C8orf34: variants seen among roughly 807,000 people sequenced by gnomAD.
The protein encoded by C8orf34 is chromosome 8 open reading frame 34, also known as uncharacterized protein C8orf34.
In C8orf34, 65 loss-of-function variants were observed where a neutral mutation model predicts 68.3. The ratio of observed to expected loss-of-function variants is 0.95; its 90% CI spans 0.78 to 1.17. The LOEUF (loss-of-function observed/expected upper bound fraction) is 1.17, where lower values mean the gene tolerates loss of function less well. Ranked by LOEUF, C8orf34 falls within the 50% of genes most tolerant of loss-of-function variation. The pLI is 0.00. For synonymous variants in C8orf34, 244 were observed against 241.2 expected (o/e 1.01, Z -0.11); for missense variants, 664 against 655.4 (o/e 1.01, Z -0.14).
chr8:68,595,451 G>C (rs1454964415), intron 7 of C8orf34, among the ~76,000 whole-genome samples: 1 of 151,890 alleles, frequency 6.6e-6, no homozygotes, highest in Non-Finnish European at 1.5e-5. Context: ...ATGTTGTTTT[G>C]GTTGGTTTTT....
rs534388536 is a variant in C8orf34 at position 68,769,404 on chromosome 8, AT to A, written c.1405-6987del. Among the ~76,000 whole-genome samples, 925 of 150,590 alleles carry A rather than the reference AT, an allele frequency of 6.1e-3. 11 individuals are homozygous for A. Among genetic ancestry groups the A allele is most frequent in the African/African-American group, 0.021 (852 of 41,066 alleles). The stretch of plus-strand genomic sequence containing the variant: ...TTTTGCTTTTAGTCTATATTTTATT[AT>A]TTTTTTTAAAAGGCCATTTTGAATC... On this transcript the variant is annotated intron_variant, in intron 10 of 13. Transcript: ENST00000518698.
At chr8:68,481,744 T>A (rs1488124710) in intron 4 of C8orf34, among the ~76,000 whole-genome samples, 1 of 152,206 alleles carries the variant, frequency 6.6e-6, no homozygotes, top group Admixed American at 6.5e-5. Flanking sequence ...ATTTCTCCCT[T>A]TTGGAATGGC....
At chr8:68,368,036 T>C (rs1024991730) in intron 1 of C8orf34, among the ~76,000 whole-genome samples, 2 of 151,752 alleles carry the variant, frequency 1.3e-5, no homozygotes, top group African/African-American at 4.8e-5. Context: ...CTATGTCTAT[T>C]AGTTTACTTT....
chr8:68,440,895 C>T (rs1452575196), intron 2 of C8orf34, among the ~76,000 whole-genome samples: 1 of 151,216 alleles, frequency 6.6e-6, no homozygotes, highest in Non-Finnish European at 1.5e-5. Flanking sequence ...AGCTCCGCTT[C>T]CTGGGTTCAC....
At chr8:68,418,203 A>T (rs940504364) in intron 1 of C8orf34, among the ~76,000 whole-genome samples, 1 of 141,596 alleles carries the variant, frequency 7.1e-6, no homozygotes, top group African/African-American at 2.7e-5. Context: ...GGCTGAGACA[A>T]TGGGGTTTTC....
intron 4 of C8orf34, among the ~76,000 whole-genome samples, 192 bp downstream of exon 4, chr8:68,469,012 C>A (rs1262310847): frequency 2.6e-5 from 4 of 152,074 alleles, no homozygotes; most frequent in African/African-American, 9.7e-5. Flanking sequence ...AGACTGATCA[C>A]ATGGAGTAGA....
rs142013517 is a variant in C8orf34 at position 68,450,089 on chromosome 8, A to G, written c.607+3629A>G. Reference sequence around the variant, plus strand: ...ACTAAGCTGATGTAACATTTTAACAATATTCACAACATCTTCACCTAGAGT... The same window carrying G: ...ACTAAGCTGATGTAACATTTTAACAGTATTCACAACATCTTCACCTAGAGT... On this transcript the variant is annotated intron_variant, in intron 3 of 13. Transcript: ENST00000518698. 2.2e-3 allele frequency among the ~76,000 whole-genome samples: 328 copies of G among 152,246 alleles called. 1 individual carries two copies. Among genetic ancestry groups the G allele is most frequent in the African/African-American group, 7.1e-3 (295 of 41,578 alleles).
intron 7 of C8orf34, among the ~76,000 whole-genome samples, chr8:68,599,542 C>G (rs558350889): frequency 6.6e-5 from 10 of 151,776 alleles, no homozygotes; most frequent in Non-Finnish European, 1.3e-4. Flanking sequence ...AGAAGTGGAC[C>G]TTTACATACA....
intron 7 of C8orf34, among the ~76,000 whole-genome samples, chr8:68,635,313 C>T (rs1368113160): frequency 6.6e-6 from 1 of 152,114 alleles, no homozygotes; most frequent in Non-Finnish European, 1.5e-5. Flanking sequence ...AAGATTTTGG[C>T]CTTTGAACAT....
At chr8:68,350,945 A>G (rs1031019820) in intron 1 of C8orf34, among the ~76,000 whole-genome samples, 2 of 151,892 alleles carry the variant, frequency 1.3e-5, no homozygotes, top group South Asian at 2.1e-4. Context: ...AGTGGGACAT[A>G]TAGTCCGTTT....
chr8:68,622,758 A>G (rs547803762), intron 7 of C8orf34, among the ~76,000 whole-genome samples: 2 of 152,338 alleles, frequency 1.3e-5, no homozygotes, highest in Non-Finnish European at 2.9e-5. Context: ...CAAAAAAATA[A>G]AAAAGATGAG....
At chr8:68,371,352 G>A (rs1807552024) in intron 1 of C8orf34, among the ~76,000 whole-genome samples, 1 of 151,888 alleles carries the variant, frequency 6.6e-6, no homozygotes, top group South Asian at 2.1e-4. Flanking sequence ...CATAGTTTTG[G>A]CAAATTATAG....
chr8:68,646,093 C>G (rs1197649651), intron 8 of C8orf34, among the ~76,000 whole-genome samples: 1 of 152,072 alleles, frequency 6.6e-6, no homozygotes, highest in Non-Finnish European at 1.5e-5. Context: ...GTTAATACAT[C>G]TGTTATGCTT....
intron 7 of C8orf34, among the ~76,000 whole-genome samples, chr8:68,607,159 A>T (rs1392693948): frequency 6.6e-6 from 1 of 152,178 alleles, no homozygotes; most frequent in African/African-American, 2.4e-5. Flanking sequence ...AAAGACAAAG[A>T]AGAAAAGGAT....
At chr8:68,492,440 G>T (rs973236841) in intron 5 of C8orf34, among the ~76,000 whole-genome samples, 20 of 151,892 alleles carry the variant, frequency 1.3e-4, no homozygotes, top group African/African-American at 4.6e-4. Flanking sequence ...TGTTGCTCAA[G>T]CTTGTCTCAA....
At chr8:68,599,745 A>C (rs913269296) in intron 7 of C8orf34, among the ~76,000 whole-genome samples, 2 of 152,114 alleles carry the variant, frequency 1.3e-5, no homozygotes, top group Non-Finnish European at 2.9e-5. Context: ...GATTTATTAG[A>C]GAGGATGTGA....
chr8:68,741,350 G>C (rs946602900), intron 10 of C8orf34, among the ~76,000 whole-genome samples: 1 of 151,868 alleles, frequency 6.6e-6, no homozygotes, highest in African/African-American at 2.4e-5. Flanking sequence ...TGGGTACATT[G>C]GTGGATATAT....
rs766269856 is a variant in C8orf34 at position 68,521,966 on chromosome 8, A to G, written c.933A>G (p.Ala311=). The change falls in exon 6 of 14, where the codon GCA becomes GCG. Residue 311 remains alanine, a synonymous_variant. Coordinates refer to ENST00000518698, the MANE Select transcript of C8orf34 (RefSeq NM_052958.4). ...WESEDSGSSP[A]GSLKMEPKNK... The stretch of plus-strand genomic sequence containing the variant: ...GTGAAGATAGTGGCTCTAGTCCTGC[A>G]GGAAGGTGAGATGAGCTGTCTGCTG... The G allele has an allele frequency of 4.8e-5, 78 of 1,613,732 alleles. No homozygotes were observed. The highest frequency in any genetic ancestry group is 6.4e-5 in the Non-Finnish European group (75 of 1,179,842).
intron 12 of C8orf34, among the ~76,000 whole-genome samples, chr8:68,799,401 T>C (rs995419335): frequency 6.6e-6 from 1 of 152,190 alleles, no homozygotes; most frequent in Non-Finnish European, 1.5e-5. Context: ...CAAAGCCTAT[T>C]GTTTTTCTCT....
Sources: allele counts gnomAD v4.1 joint callset (sites outside exome capture counted in the v4.1 genomes callset), GRCh38; gene constraint gnomAD v4.1.1; transcripts MANE v1.5; gene names NCBI Gene and HGNC (gene_info 2026-07-23, HGNC 2026-07-21).